CTNNA2: variants seen among roughly 807,000 people sequenced by gnomAD.
The protein encoded by CTNNA2 is catenin alpha-2.
A neutral mutation model predicts 101.0 loss-of-function variants in CTNNA2; 42 were observed. The ratio of observed to expected loss-of-function variants is 0.42; its 90% CI spans 0.32 to 0.54. The LOEUF (loss-of-function observed/expected upper bound fraction) is 0.54. Among genes scored for constraint, CTNNA2 ranks in the 20% least tolerant of loss-of-function variants. CTNNA2 has a pLI of 0.14. For synonymous variants in CTNNA2, 450 were observed against 456.4 expected, an observed-to-expected ratio of 0.99 and a Z score of 0.18; for missense variants, 871 against 1,223.1, an observed-to-expected ratio of 0.71 and a Z score of 4.29.
chr2:79,491,679 C>T (rs76846841), intron 4 of CTNNA2, among the ~76,000 whole-genome samples: 1,952 of 152,178 alleles, frequency 0.013, 79 homozygotes, highest in East Asian at 0.13. Context: ...ACTAGAACTG[C>T]TGAGTTCAGG....
At chr2:80,294,779 G>C (rs926583094) in intron 7 of CTNNA2, among the ~76,000 whole-genome samples, 1 of 152,308 alleles carries the variant, frequency 6.6e-6, no homozygotes, top group Middle Eastern at 3.4e-3. Flanking sequence ...AGCCAGGGTT[G>C]ACAAGCACTC....
chr2:80,036,294 G>A (rs1172194271), intron 7 of CTNNA2, among the ~76,000 whole-genome samples: 4 of 152,134 alleles, frequency 2.6e-5, no homozygotes, highest in Non-Finnish European at 5.9e-5. Flanking sequence ...GAGACTGTAA[G>A]TATAGGTTAA....
intron 9 of CTNNA2, among the ~76,000 whole-genome samples, chr2:80,520,141 G>A (rs1689418756): frequency 6.6e-6 from 1 of 152,078 alleles, no homozygotes; most frequent in African/African-American, 2.4e-5. Flanking sequence ...ACTTTCCAAA[G>A]TGAGGTGTGA....
chr2:80,409,648 AAAGT>A (rs1366838778), intron 8 of CTNNA2, among the ~76,000 whole-genome samples: 5 of 152,212 alleles, frequency 3.3e-5, no homozygotes, highest in African/African-American at 7.2e-5. Flanking sequence ...ACAGTTTAGT[AAAGT>A]AAGTAAGTGA....
intron 9 of CTNNA2, among the ~76,000 whole-genome samples, chr2:80,457,946 A>T (rs1684117914): frequency 6.6e-6 from 1 of 152,166 alleles, no homozygotes; most frequent in Admixed American, 6.5e-5. Context: ...GACTTCCTTG[A>T]AATTTTAGTT....
chr2:80,097,500 C>T (rs1437070627), intron 7 of CTNNA2, among the ~76,000 whole-genome samples: 1 of 152,004 alleles, frequency 6.6e-6, no homozygotes, highest in African/African-American at 2.4e-5. Context: ...TTGCTCTTCT[C>T]GAGGAGTATC....
At chr2:80,240,348 A>G (rs762500362) in intron 7 of CTNNA2, among the ~76,000 whole-genome samples, 4 of 152,170 alleles carry the variant, frequency 2.6e-5, no homozygotes, top group Non-Finnish European at 4.4e-5. Flanking sequence ...GAGAACTTCT[A>G]TGGTGTTAAT....
intron 7 of CTNNA2, among the ~76,000 whole-genome samples, chr2:80,176,734 G>A (rs1282887638): frequency 6.6e-6 from 1 of 152,202 alleles, no homozygotes; most frequent in African/African-American, 2.4e-5. Flanking sequence ...TACCTCCACT[G>A]TGGAGTAGTA....
chr2:80,359,093 C>T (rs370167574), intron 7 of CTNNA2, among the ~76,000 whole-genome samples: 6 of 151,814 alleles, frequency 4.0e-5, no homozygotes, highest in African/African-American at 7.3e-5. Context: ...CCTTTTTAGC[C>T]GCTGAGTATG....
intron 7 of CTNNA2, among the ~76,000 whole-genome samples, chr2:80,014,621 C>A (rs1694010751): frequency 1.3e-5 from 2 of 152,110 alleles, no homozygotes; most frequent in Non-Finnish European, 2.9e-5. Flanking sequence ...CCAGACTATG[C>A]CCTGCACATT....
chr2:79,998,279 G>A (rs1456339964), intron 7 of CTNNA2, among the ~76,000 whole-genome samples: 1 of 152,140 alleles, frequency 6.6e-6, no homozygotes, highest in African/African-American at 2.4e-5. Context: ...TCAGAAGCAT[G>A]GATAGTAGGG....
chr2:80,543,918 C>T (rs1439526218), intron 9 of CTNNA2, among the ~76,000 whole-genome samples: 2 of 152,190 alleles, frequency 1.3e-5, no homozygotes, highest in African/African-American at 2.4e-5. Flanking sequence ...CTACCCCTTG[C>T]TGTCCTTCTC....
At chr2:79,643,349 G>A (rs906351966) in intron 1 of CTNNA2, among the ~76,000 whole-genome samples, 1 of 152,132 alleles carries the variant, frequency 6.6e-6, no homozygotes, top group African/African-American at 2.4e-5. Context: ...TGGCATGTGT[G>A]GTGATGGTTC....
At chr2:80,324,852 T>A (rs1322013773) in intron 7 of CTNNA2, among the ~76,000 whole-genome samples, 1 of 152,138 alleles carries the variant, frequency 6.6e-6, no homozygotes, top group Admixed American at 6.5e-5. Flanking sequence ...TGCATAGCCA[T>A]CTCCTTTTCG....
At chr2:80,065,193 T>TCA (rs1284957815) in intron 7 of CTNNA2, among the ~76,000 whole-genome samples, 76 of 152,004 alleles carry the variant, frequency 5.0e-4, no homozygotes, top group Non-Finnish European at 9.3e-4. Context: ...TTGAATTACT[T>TCA]GTCAGAAAAA....
chr2:80,142,652 G>C (rs915176732), intron 7 of CTNNA2, among the ~76,000 whole-genome samples: 1 of 152,140 alleles, frequency 6.6e-6, no homozygotes, highest in African/African-American at 2.4e-5. Flanking sequence ...GGCCATACAA[G>C]CTTGTCCAAC....
chr2:79,832,705 C>T (rs2105433804), intron 3 of CTNNA2, among the ~76,000 whole-genome samples: 1 of 152,240 alleles, frequency 6.6e-6, no homozygotes, highest in South Asian at 2.1e-4. Context: ...GATTTCATTT[C>T]AGCCTTGAGT....
chr2:80,093,339 A>T (rs1375078955), intron 7 of CTNNA2, among the ~76,000 whole-genome samples: 4 of 152,020 alleles, frequency 2.6e-5, no homozygotes, highest in African/African-American at 4.8e-5. Context: ...TGAACTCATC[A>T]TTTTTTATGG....
intron 9 of CTNNA2, among the ~76,000 whole-genome samples, chr2:80,488,969 T>G (rs556432005): frequency 1.3e-5 from 2 of 152,184 alleles, no homozygotes; most frequent in Admixed American, 1.3e-4. Context: ...TTTTCTTTGT[T>G]GGATGCATGT....
Sources: allele counts gnomAD v4.1 joint callset (sites outside exome capture counted in the v4.1 genomes callset), GRCh38; gene constraint gnomAD v4.1.1; transcripts MANE v1.5; gene names NCBI Gene and HGNC (gene_info 2026-07-23, HGNC 2026-07-21).